Variants in CPED1 observed in about 807,000 individuals in gnomAD.
CPED1 encodes the protein cadherin like and PC-esterase domain containing 1.
In CPED1, 114 loss-of-function variants were observed where a neutral mutation model predicts 128.2. The ratio of observed to expected loss-of-function variants is 0.89; its 90% confidence interval spans 0.76 to 1.04. The LOEUF is 1.04. CPED1 is among the 50% of genes least tolerant of loss of function. The pLI, the probability that CPED1 is intolerant of heterozygous loss-of-function variation, is 0.00. For synonymous variants in CPED1, 462 were observed against 426.7 expected (o/e 1.08, Z -1.02); for missense variants, 1,211 against 1,207.1 (o/e 1.00, Z -0.05).
chr7:121,054,207 A>G (rs1253047291), intron 4 of CPED1, among the ~76,000 whole-genome samples: 1 of 152,214 alleles, frequency 6.6e-6, no homozygotes, highest in Non-Finnish European at 1.5e-5. Context: ...GCAAACATAC[A>G]CTTGTATTTA....
At chr7:121,098,813 TAATA>T (rs1563024946) in intron 6 of CPED1, among the ~76,000 whole-genome samples, 1 of 140,968 alleles carries the variant, frequency 7.1e-6, no homozygotes, top group African/African-American at 2.7e-5. Flanking sequence ...AATATATAAA[TAATA>T]TATATATAAA....
At chr7:121,136,455 T>C (rs1242937426) in intron 14 of CPED1, among the ~76,000 whole-genome samples, 1 of 152,068 alleles carries the variant, frequency 6.6e-6, no homozygotes, top group Non-Finnish European at 1.5e-5. Flanking sequence ...ATTGTTGCTG[T>C]AATGGTTAGT....
intron 3 of CPED1, among the ~76,000 whole-genome samples, chr7:121,032,525 G>T (rs570110951): frequency 1.3e-5 from 2 of 149,942 alleles, no homozygotes; most frequent in Admixed American, 6.7e-5. Context: ...CATACCGCGG[G>T]GGGGGCCTGT....
At chr7:121,217,248 C>A (rs1797779024) in intron 16 of CPED1, among the ~76,000 whole-genome samples, 1 of 151,722 alleles carries the variant, frequency 6.6e-6, no homozygotes, top group Non-Finnish European at 1.5e-5. Flanking sequence ...CTCCTCCTTT[C>A]CACAAGGGCA....
chr7:121,291,073 T>G (rs1190171943), intron 22 of CPED1, among the ~76,000 whole-genome samples: 1 of 152,218 alleles, frequency 6.6e-6, no homozygotes. Flanking sequence ...CTTTCCCCAT[T>G]GCTTGTTTTT....
rs1701771095 is a variant in CPED1, at chr7:121,224,581, G to T, written c.2056-12133G>T. 2.0e-5 allele frequency among the ~76,000 whole-genome samples: 3 copies of T among 151,956 alleles called. No individual in the cohort carries two copies. In the South Asian group the frequency reaches 6.3e-4, roughly 32 times the overall value. On this transcript the variant is annotated intron_variant, in intron 16 of 22. Coordinates refer to ENST00000310396, the MANE Select transcript of CPED1 (RefSeq NM_024913.5). ...GGGTATTAAAGTCTCCCATTATAAT[G>T]GTATGGAAATCTAAGTCTCTTTGTA...
chr7:121,158,316 G>A (rs1392501717), intron 16 of CPED1, among the ~76,000 whole-genome samples: 1 of 152,078 alleles, frequency 6.6e-6, no homozygotes, highest in African/African-American at 2.4e-5. Flanking sequence ...GCACTGACTG[G>A]GAGTCTTTGA....
chr7:121,036,263 T>C (rs1214477003), intron 3 of CPED1, among the ~76,000 whole-genome samples: 1 of 152,130 alleles, frequency 6.6e-6, no homozygotes, highest in Non-Finnish European at 1.5e-5. Flanking sequence ...TAGTCTTTTC[T>C]CTTTCACCAT....
chr7:121,155,366 A>C (rs1796261611), intron 16 of CPED1, among the ~76,000 whole-genome samples: 1 of 152,194 alleles, frequency 6.6e-6, no homozygotes, highest in Admixed American at 6.5e-5. Flanking sequence ...CAATCCTAAA[A>C]TTTATGTGGA....
chr7:121,269,584 A>G (rs548340970), intron 21 of CPED1, among the ~76,000 whole-genome samples: 1 of 152,190 alleles, frequency 6.6e-6, no homozygotes, highest in African/African-American at 2.4e-5. Context: ...TGCTTTCCAC[A>G]GTGGTTGAAT....
intron 16 of CPED1, among the ~76,000 whole-genome samples, chr7:121,187,536 G>T (rs1797030768): frequency 6.6e-6 from 1 of 152,086 alleles, no homozygotes; most frequent in African/African-American, 2.4e-5. Flanking sequence ...GTTAGGTTTT[G>T]TGTTCATTGG....
chr7:121,124,078 G>A (rs115351411), intron 7 of CPED1, among the ~76,000 whole-genome samples: 6 of 152,126 alleles, frequency 3.9e-5, no homozygotes, highest in Non-Finnish European at 7.4e-5. Flanking sequence ...CATTTTCCAC[G>A]ATTAGATGCT....
intron 22 of CPED1, among the ~76,000 whole-genome samples, chr7:121,277,975 AATAG>A (rs1291490209): frequency 3.9e-5 from 6 of 152,096 alleles, no homozygotes; most frequent in Admixed American, 1.3e-4. Flanking sequence ...TGTCAAATGT[AATAG>A]ATAGATCTAT....
At chr7:121,119,915 A>C (rs1417341629) in intron 7 of CPED1, among the ~76,000 whole-genome samples, 3 of 152,134 alleles carry the variant, frequency 2.0e-5, no homozygotes, top group Admixed American at 1.3e-4. Context: ...GGAATAATCC[A>C]GTGTCTTCAT....
At chr7:121,223,488 G>T (rs1177600657) in intron 16 of CPED1, among the ~76,000 whole-genome samples, 1 of 152,112 alleles carries the variant, frequency 6.6e-6, no homozygotes, top group East Asian at 1.9e-4. Flanking sequence ...AGTTAGGGAG[G>T]ATTCTCTCTT....
chr7:121,192,773 T>C (rs931496213), intron 16 of CPED1, among the ~76,000 whole-genome samples: 3 of 152,132 alleles, frequency 2.0e-5, no homozygotes, highest in African/African-American at 7.2e-5. Flanking sequence ...AAACACATAC[T>C]GTAAAATAAA....
intron 2 of CPED1, among the ~76,000 whole-genome samples, chr7:121,012,972 A>G (rs766176379): frequency 3.9e-5 from 6 of 152,222 alleles, no homozygotes; most frequent in Non-Finnish European, 8.8e-5. Context: ...GTTTTAAAAT[A>G]TCCCTTCCTT....
At chr7:121,188,153 T>C (rs1322866470) in intron 16 of CPED1, among the ~76,000 whole-genome samples, 1 of 152,180 alleles carries the variant, frequency 6.6e-6, no homozygotes. Context: ...AATGATACAA[T>C]ATCTGGTAAT....
At chr7:121,002,820 T>C (rs909741496) in intron 2 of CPED1, among the ~76,000 whole-genome samples, 1 of 152,182 alleles carries the variant, frequency 6.6e-6, no homozygotes, top group Admixed American at 6.6e-5. Context: ...TGTAAAATAA[T>C]ATCTTAAAAG....
Sources: gnomAD v4.1 joint callset for allele counts (sites outside exome capture counted in the v4.1 genomes callset) on GRCh38, gnomAD v4.1.1 for gene constraint, MANE v1.5 for transcripts, NCBI Gene and HGNC (gene_info 2026-07-23, HGNC 2026-07-21) for gene names.